Variants in DHX57 observed in about 807,000 individuals in gnomAD.
The protein encoded by DHX57 is DExH-box helicase 57.
DHX57 carries 105 observed loss-of-function variants against 156.2 expected under a neutral mutation model. That is an observed-to-expected ratio of 0.67 (90% confidence interval 0.57 to 0.79). The LOEUF (loss-of-function observed/expected upper bound fraction) is 0.79, where lower values mean the gene tolerates loss of function less well. DHX57 is among the 30% of genes least tolerant of loss of function. The probability of loss-of-function intolerance (pLI) is 0.00; values close to 1 mark genes in which losing one functional copy is unlikely to be tolerated. For missense variants in DHX57, 1,847 were observed against 1,661.9 expected, an observed-to-expected ratio of 1.11 and a Z score of -1.94; for synonymous variants, 704 against 595.6, an observed-to-expected ratio of 1.18 and a Z score of -2.65.
At chr2:38,843,320 T>A in intron 11 of DHX57, 110 bp from the exon 12 acceptor site, 1 of 1,075,202 alleles carries the variant, frequency 9.3e-7, no homozygotes, top group Admixed American at 2.0e-5. Flanking sequence ...GTCTGCCCAA[T>A]TCACATGCCA....
rs1167859254 is a variant in DHX57, at chr2:38,826,638, A to G, written c.2691T>C (p.Ala897=). The G allele has an allele frequency of 6.2e-7, 1 of 1,614,218 alleles. No homozygotes were observed. Among genetic ancestry groups the G allele is most frequent in the Admixed American group, 1.7e-5 (1 of 60,024 alleles). Residue 897 remains alanine, a synonymous_variant, in exon 15 of 24, where the codon GCT becomes GCC. Coordinates refer to ENST00000457308, the MANE Select transcript of DHX57 (RefSeq NM_198963.3). ...CTCCTGCAGGAGGTTTTACAAACAC[A>G]GCCTGCTGCTCTTCACTGGATAAAG... ...HSSLSSEEQQ[A]VFVKPPAGVT... is the part of the protein sequence containing the mutation.
chr2:38,813,261 T>C (rs1349299722), intron 21 of DHX57, among the ~76,000 whole-genome samples: 1 of 152,230 alleles, frequency 6.6e-6, no homozygotes, highest in Non-Finnish European at 1.5e-5. Context: ...TATGTCTATT[T>C]TAATTTTTGG....
In DHX57 at chr2:38,828,438, T is replaced by A. The variant is rs774832981; in HGVS notation, c.2543-2A>T. 1.2e-6 allele frequency: 2 copies of A among 1,602,962 alleles called. No homozygotes were observed. The stretch of plus-strand genomic sequence containing the variant: ...CTGGTAAAAATACAAGTATAGCACC[T>A]GGGTATATAAAAAGAATCAATATGT... On this transcript the variant is annotated splice_acceptor_variant, in intron 13 of 23. Transcript: ENST00000457308. LOFTEE classifies it high-confidence loss of function.
Position 38,802,879 on chromosome 2 carries a change from C to T in DHX57, c.3853G>A (p.Glu1285Lys). Residue 1285 changes from glutamate (E) to lysine (K), a missense_variant, in exon 23 of 24, where the codon GAG becomes AAG. By Grantham distance (56) the Glu-to-Lys change is moderately conservative. Coordinates refer to ENST00000457308, the MANE Select transcript of DHX57 (RefSeq NM_198963.3). ...AATACTCGACTAGTTTTTATCTTCT[C>T]GTGGTACAACAGGTAGGGGCTGTCA... ...HFDSPYLLYHEKIKTSRVFIR... is the reference protein window; with the variant it reads ...HFDSPYLLYHKKIKTSRVFIR... 6.2e-7 allele frequency: 1 copy of T among 1,614,076 alleles called. No individual in the cohort carries two copies. The highest frequency in any genetic ancestry group is 2.2e-5 in the East Asian group (1 of 44,888).
rs1671377372 is a variant in DHX57, at chr2:38,831,472, A to C, written c.2543-3036T>G. 2.0e-5 allele frequency among the ~76,000 whole-genome samples: 3 copies of C among 151,836 alleles called. No homozygotes were observed. In the South Asian group the frequency reaches 6.2e-4, roughly 32 times the overall value. On this transcript the variant is annotated intron_variant, in intron 13 of 23. Transcript: ENST00000457308. ...AGCCTCCCGACTAGCTGGGATTACA[A>C]AATTTAGGTAATTTTCTAACATTTC...
At position 38,868,104 on chromosome 2, in the gene DHX57, A is replaced by C. The variant is rs114195880; in HGVS notation, c.224+78T>G. On this transcript the variant is annotated intron_variant, in intron 2 of 23. Transcript: ENST00000457308. ...ACCAGAATTACTCGACTTTTTTTCC[A>C]TTCTCAGCCATCTGTTGTCCCATAC... 6.6e-4 allele frequency: 1,011 copies of C among 1,538,714 alleles called. 9 individuals are homozygous for C. The African/African-American group carries it at 0.011, about 16-fold the overall frequency.
intron 12 of DHX57, among the ~76,000 whole-genome samples, chr2:38,840,868 G>C (rs1204424123): frequency 2.0e-5 from 3 of 152,192 alleles, no homozygotes; most frequent in Non-Finnish European, 4.4e-5. Flanking sequence ...GTTGGGGCTG[G>C]AGTGCACTAG....
In DHX57 at chr2:38,855,825, G is replaced by A. The variant is rs142630575; in HGVS notation, c.1709+515C>T. On this transcript the variant is annotated intron_variant, in intron 7 of 23. Coordinates refer to ENST00000457308, the MANE Select transcript of DHX57 (RefSeq NM_198963.3). ...TAAAAGAAAAATAAAGGCTGGGTGT[G>A]GTGACTCACACCTGTAATCCCAGCA... 1.4e-4 allele frequency among the ~76,000 whole-genome samples: 22 copies of A among 152,246 alleles called. No individual in the cohort carries two copies. In the East Asian group the frequency reaches 3.7e-3, roughly 25 times the overall value.
intron 14 of DHX57, among the ~76,000 whole-genome samples, chr2:38,827,628 T>C (rs1671169889): frequency 6.7e-6 from 1 of 149,438 alleles, no homozygotes; most frequent in Non-Finnish European, 1.5e-5. Flanking sequence ...CTCAGAAACT[T>C]CATTCTTACA....
chr2:38,858,584 C>G (rs1673021120), intron 6 of DHX57, 77 bp downstream of exon 6: 4 of 1,493,658 alleles, frequency 2.7e-6, no homozygotes, highest in Non-Finnish European at 3.6e-6. Flanking sequence ...AGGAGGGTAG[C>G]CAAAGCTCCC....
chr2:38,849,916 T>C (rs1457460776), intron 9 of DHX57, among the ~76,000 whole-genome samples: 1 of 152,198 alleles, frequency 6.6e-6, no homozygotes, highest in African/African-American at 2.4e-5. Context: ...GAATTTCTAT[T>C]GTCTTTTTTC....
chr2:38,844,255 C>T (rs1364565426), intron 11 of DHX57, among the ~76,000 whole-genome samples: 2 of 151,982 alleles, frequency 1.3e-5, no homozygotes, highest in Admixed American at 6.6e-5. Context: ...CTAGTGAGAA[C>T]AGAACAAAAC....
intron 16 of DHX57, 87 bp downstream of exon 16, chr2:38,825,760 T>C: frequency 7.2e-7 from 1 of 1,383,676 alleles, no homozygotes; most frequent in Non-Finnish European, 1.0e-6. Flanking sequence ...CCAAATATCT[T>C]CTAGAAGTAA....
intron 23 of DHX57, among the ~76,000 whole-genome samples, chr2:38,799,993 G>C (rs1249082347): frequency 2.0e-5 from 3 of 151,988 alleles, no homozygotes; most frequent in Non-Finnish European, 4.4e-5. Flanking sequence ...TTCAAGACCA[G>C]GCTGACCAAC....
chr2:38,815,038 G>C (rs1670453976), intron 20 of DHX57, among the ~76,000 whole-genome samples: 1 of 149,446 alleles, frequency 6.7e-6, no homozygotes, highest in African/African-American at 2.5e-5. Context: ...ATTCTTATGA[G>C]TGTTAGCTGA....
chr2:38,869,217 G>C (rs1319463988), intron 1 of DHX57, among the ~76,000 whole-genome samples: 1 of 152,206 alleles, frequency 6.6e-6, no homozygotes, highest in Admixed American at 6.5e-5. Flanking sequence ...CAGAGATTCT[G>C]CCAAGGGCAA....
At chr2:38,847,838 C>G (rs1463510772) in intron 10 of DHX57, among the ~76,000 whole-genome samples, 1 of 152,042 alleles carries the variant, frequency 6.6e-6, no homozygotes, top group Non-Finnish European at 1.5e-5. Flanking sequence ...AATCCCAGCA[C>G]TTTGGGAGGC....
chr2:38,820,651 C>G (rs1670763452), intron 17 of DHX57, among the ~76,000 whole-genome samples: 1 of 152,104 alleles, frequency 6.6e-6, no homozygotes, highest in Non-Finnish European at 1.5e-5. Context: ...AGATAACTCA[C>G]TACCACTGGA....
chr2:38,853,888 G>A, intron 9 of DHX57, 166 bp downstream of exon 9: 1 of 576,784 alleles, frequency 1.7e-6, no homozygotes. Flanking sequence ...TAGTGTTACA[G>A]ACCCTGGAGA....
Sources: allele counts gnomAD v4.1 joint callset (sites outside exome capture counted in the v4.1 genomes callset), GRCh38; gene constraint gnomAD v4.1.1; transcripts MANE v1.5; gene names NCBI Gene and HGNC (gene_info 2026-07-23, HGNC 2026-07-21).